The following XIST variants were observed in gnomAD, a reference collection of about 807,000 sequenced individuals.
XIST encodes the protein X inactive specific transcript (non-protein coding).
At chrX:73,843,479 C>T (rs1422933608) in exon 1 of XIST, 1 of 558,185 alleles carries the variant, frequency 1.8e-6, no homozygotes, top group African/African-American at 2.2e-5. Context: ...CACAGGTCCA[C>T]AAATACAATT....
chrX:73,848,015 C>T (rs1922818457), exon 1 of XIST: 2 of 557,715 alleles, frequency 3.6e-6, no homozygotes, highest in African/African-American at 2.2e-5. Flanking sequence ...AGGTCATCCA[C>T]TGCTGAACAC....
chrX:73,851,278 G>T (rs747287733), exon 1 of XIST: 5 of 557,665 alleles, frequency 9.0e-6, no homozygotes, highest in Non-Finnish European at 1.3e-5. Context: ...ATATGACAAC[G>T]CCTGCCATAT....
exon 1 of XIST, chrX:73,841,854 G>A (rs1228780038): frequency 3.9e-6 from 2 of 512,474 alleles, no homozygotes; most frequent in East Asian, 3.6e-5. Context: ...TCATTTAATC[G>A]TTTTACTGCA....
At chrX:73,852,334 G>T (rs760160741) in exon 1 of XIST, 1 of 544,273 alleles carries the variant, frequency 1.8e-6, no homozygotes, top group Admixed American at 2.4e-5. Context: ...CCACGGCCCC[G>T]TTGGGCAAAG....
chrX:73,825,281 A>T, exon 6 of XIST: 2 of 559,273 alleles, frequency 3.6e-6, no homozygotes, highest in Non-Finnish European at 6.5e-6. Flanking sequence ...ATTGGCCTCA[A>T]ATATACATAT....
exon 6 of XIST, chrX:73,826,319 T>C: frequency 1.8e-6 from 1 of 559,123 alleles, no homozygotes; most frequent in South Asian, 2.2e-5. Context: ...AGGACTGAAA[T>C]ACAGTATCAC....
exon 1 of XIST, chrX:73,847,731 G>A (rs1569512677): frequency 7.2e-6 from 4 of 555,972 alleles, no homozygotes; most frequent in East Asian, 6.5e-5. Context: ...AAGAGTCATG[G>A]ATAATTAGAA....
In XIST at chrX:73,849,836, C is replaced by T. The variant is rs746379173; in HGVS notation, n.2888G>A. The stretch of plus-strand genomic sequence containing the variant: ...CGGGACTGAGGAACTAGGACTGGGA[C>T]TGGGGCTAGGGCTGGGGGGTTAGGG... On this transcript the variant is annotated non_coding_transcript_exon_variant, in exon 1 of 6. Coordinates refer to ENST00000429829, the Ensembl canonical transcript of XIST. 8 of 182,763 alleles carry T rather than the reference C, an allele frequency of 4.4e-5. No individual in the cohort carries two copies. The African/African-American group carries it at 4.8e-4, about 11-fold the overall frequency. The allele number at this position is 182,763 out of a possible 1,213,427, so 15.1% of individuals were successfully genotyped here. A position where few individuals can be genotyped will look rare whatever the true frequency, so the allele number is the denominator to read the frequency against.
chrX:73,839,943 T>C (rs1022567870), intron 1 of XIST, among the ~76,000 whole-genome samples: 2 of 110,635 alleles, frequency 1.8e-5, no homozygotes, highest in Non-Finnish European at 3.8e-5. Context: ...GAATGACAAT[T>C]TAATTACCAA....
chrX:73,844,147 C>T, exon 1 of XIST: 1 of 556,491 alleles, frequency 1.8e-6, no homozygotes, highest in Middle Eastern at 3.1e-4. Flanking sequence ...AACATAAATG[C>T]AATTATGCAT....
exon 1 of XIST, chrX:73,843,174 T>C (rs747150964): frequency 5.4e-6 from 3 of 556,394 alleles, no homozygotes; most frequent in African/African-American, 2.2e-5. Context: ...GGAGAAGTTT[T>C]GAGTAGTCAG....
exon 6 of XIST, chrX:73,822,234 C>A (rs1922137227): frequency 1.8e-6 from 1 of 556,403 alleles, no homozygotes; most frequent in Non-Finnish European, 3.2e-6. Context: ...AATGAAGTGT[C>A]TATTATAAGG....
chrX:73,826,844 T>C (rs1046082069), exon 6 of XIST: 10 of 556,629 alleles, frequency 1.8e-5, no homozygotes, highest in Non-Finnish European at 2.6e-5. Context: ...TCTTAGGTCG[T>C]TGGCCTTGTG....
chrX:73,823,115 A>G (rs1158958167), exon 6 of XIST: 1 of 554,620 alleles, frequency 1.8e-6, no homozygotes, highest in Non-Finnish European at 3.2e-6. Context: ...AAATACCTTT[A>G]AAACTAGTTG....
exon 6 of XIST, chrX:73,826,086 G>GA (rs777680303): frequency 3.7e-4 from 208 of 557,264 alleles, no homozygotes; most frequent in Middle Eastern, 1.8e-3. Context: ...ACCATCACTA[G>GA]AAATCCCAAA....
At chrX:73,824,179 T>C in exon 6 of XIST, 1 of 516,222 alleles carries the variant, frequency 1.9e-6, no homozygotes, top group Non-Finnish European at 3.5e-6. Flanking sequence ...AAAGATGGTT[T>C]ATCTTTGCAT....
chrX:73,843,028 A>G (rs766809091), exon 1 of XIST: 11 of 556,712 alleles, frequency 2.0e-5, no homozygotes, highest in Non-Finnish European at 3.6e-5. Context: ...TGTTTGATAG[A>G]CAAGTGCATG....
chrX:73,850,145 G>A (rs780757410), exon 1 of XIST: 2 of 558,009 alleles, frequency 3.6e-6, no homozygotes, highest in Middle Eastern at 3.1e-4. Context: ...TTTTACATTA[G>A]GTCATGAAGT....
At chrX:73,822,766 T>C (rs766514550) in exon 6 of XIST, 1 of 552,601 alleles carries the variant, frequency 1.8e-6, no homozygotes, top group South Asian at 2.3e-5. Flanking sequence ...ATCATCTTCA[T>C]CAATACTCGT....
Sources: gnomAD v4.1 joint callset for allele counts (sites outside exome capture counted in the v4.1 genomes callset) on GRCh38, gnomAD v4.1.1 for gene constraint, MANE v1.5 for transcripts, NCBI Gene and HGNC (gene_info 2026-07-23, HGNC 2026-07-21) for gene names.